Variants in EPHA7 observed in about 807,000 individuals in gnomAD.
The protein encoded by EPHA7 is EPH receptor A7.
In EPHA7, 25 loss-of-function variants were observed where a neutral mutation model predicts 112.6. The ratio of observed to expected loss-of-function variants is 0.22; its 90% confidence interval spans 0.16 to 0.31. EPHA7 has a LOEUF of 0.31. Ranked by LOEUF, EPHA7 falls within the 10% of genes least tolerant of loss-of-function variation. The pLI is 1.00. For missense variants in EPHA7, 962 were observed against 1,212.6 expected (o/e 0.79, Z 3.07); for synonymous variants, 437 against 406.5 (o/e 1.07, Z -0.90).
rs1773096631 is a variant in EPHA7, at chr6:93,303,465, T to A, written c.1325-31043A>T. On this transcript the variant is annotated intron_variant, in intron 5 of 16. Coordinates refer to ENST00000369303, the MANE Select transcript of EPHA7 (RefSeq NM_004440.4). Reference sequence around the variant, plus strand: ...AATAAAATATATGCTCTGTTAATAGTAAGAAGTGCTAAAGAGAAAAAAAAT... The same window carrying A: ...AATAAAATATATGCTCTGTTAATAGAAAGAAGTGCTAAAGAGAAAAAAAAT... Among the ~76,000 whole-genome samples the A allele has an allele frequency of 2.0e-5, 3 of 152,102 alleles. No homozygotes were observed. The South Asian group carries it at 6.2e-4, about 32-fold the overall frequency.
chr6:93,322,799 C>T (rs148067108), intron 5 of EPHA7, among the ~76,000 whole-genome samples: 1 of 151,616 alleles, frequency 6.6e-6, no homozygotes, highest in African/African-American at 2.4e-5. Context: ...CAAAAGTCAC[C>T]TACAGATACT....
intron 3 of EPHA7, among the ~76,000 whole-genome samples, chr6:93,377,390 T>G (rs1777112956): frequency 6.6e-6 from 1 of 150,974 alleles, no homozygotes. Flanking sequence ...TTATTGCTAG[T>G]TTTTTTTTCA....
At position 93,241,632 on chromosome 6, in the gene EPHA7, A is replaced by T. The variant is rs1769692341; in HGVS notation, c.*1794T>A. The T allele has an allele frequency of 4.5e-6, 1 of 222,740 alleles. No individual in the cohort carries two copies. The highest frequency in any genetic ancestry group is 2.2e-5 in the African/African-American group (1 of 44,682). 13.8% of individuals were successfully genotyped at this position (222,740 alleles called of 1,614,324 possible). A position where few individuals can be genotyped will look rare whatever the true frequency, so the allele number is the denominator to read the frequency against. On this transcript the variant is annotated 3_prime_UTR_variant, in exon 17 of 17. Coordinates refer to ENST00000369303, the MANE Select transcript of EPHA7 (RefSeq NM_004440.4). ...TGTACAGTGATTTAAAACCAAAAAAAAAGGGTGGGGAGGGGTTTGGGAAGC... is the reference window on the plus strand; with the variant it reads ...TGTACAGTGATTTAAAACCAAAAAATAAGGGTGGGGAGGGGTTTGGGAAGC...
intron 3 of EPHA7, among the ~76,000 whole-genome samples, chr6:93,393,545 T>G (rs1778011833): frequency 6.6e-6 from 1 of 151,856 alleles, no homozygotes; most frequent in African/African-American, 2.4e-5. Context: ...GAAGACTTTA[T>G]GATTCCAAAT....
At chr6:93,262,972 C>T (rs1040143856) in intron 9 of EPHA7, among the ~76,000 whole-genome samples, 5 of 151,256 alleles carry the variant, frequency 3.3e-5, no homozygotes, top group African/African-American at 1.2e-4. Context: ...AATAACACAA[C>T]AAAAGATACA....
At chr6:93,397,669 A>G (rs990843886) in intron 3 of EPHA7, among the ~76,000 whole-genome samples, 1 of 151,950 alleles carries the variant, frequency 6.6e-6, no homozygotes, top group Non-Finnish European at 1.5e-5. Flanking sequence ...CTGACTGGCA[A>G]GCGATACTCA....
At chr6:93,354,649 A>C (rs1582580840) in intron 5 of EPHA7, among the ~76,000 whole-genome samples, 1 of 149,676 alleles carries the variant, frequency 6.7e-6, no homozygotes, top group South Asian at 2.1e-4. Flanking sequence ...AAAAAAAAAA[A>C]CCCTCCAGCC....
Position 93,410,296 on chromosome 6 carries a change from T to C in EPHA7, c.832+205A>G, listed in dbSNP as rs1562166568. 1.8e-6 allele frequency: 1 copy of C among 555,852 alleles called. No individual in the cohort carries two copies. The highest frequency in any genetic ancestry group is 3.2e-5 in the Admixed American group (1 of 31,732). The allele number at this position is 555,852 out of a possible 1,614,324, so 34.4% of individuals were successfully genotyped here. A position where few individuals can be genotyped will look rare whatever the true frequency, so the allele number is the denominator to read the frequency against. ...ATTAAATTTTAGTAACAAATTTCATTATCACCTATATTGATTACATACACT... is the reference window on the plus strand; with the variant it reads ...ATTAAATTTTAGTAACAAATTTCATCATCACCTATATTGATTACATACACT... On this transcript the variant is annotated intron_variant, in intron 3 of 16. Coordinates refer to ENST00000369303, the MANE Select transcript of EPHA7 (RefSeq NM_004440.4). The surrounding 1 kb of genome is among the most constrained non-coding windows in gnomAD (Gnocchi z 4.0).
chr6:93,297,572 G>A (rs1772736923), intron 5 of EPHA7, among the ~76,000 whole-genome samples: 1 of 152,062 alleles, frequency 6.6e-6, no homozygotes, highest in African/African-American at 2.4e-5. Context: ...TCCCTGAGGT[G>A]CCTGCAATTC....
chr6:93,412,029 A>G (rs1350911893), intron 2 of EPHA7, among the ~76,000 whole-genome samples: 6 of 152,098 alleles, frequency 3.9e-5, no homozygotes, highest in Admixed American at 3.3e-4. Flanking sequence ...AATTTGCAAC[A>G]ATTTCAAACT....
At chr6:93,335,032 G>T (rs1336823410) in intron 5 of EPHA7, among the ~76,000 whole-genome samples, 1 of 152,038 alleles carries the variant, frequency 6.6e-6, no homozygotes, top group East Asian at 1.9e-4. Flanking sequence ...AACCTCAGGT[G>T]TTGTCTCACC....
intron 3 of EPHA7, among the ~76,000 whole-genome samples, chr6:93,401,533 A>C (rs2127989245): frequency 6.6e-6 from 1 of 152,108 alleles, no homozygotes. Flanking sequence ...AGAAAACAAA[A>C]AAAATAACAT....
intron 3 of EPHA7, among the ~76,000 whole-genome samples, chr6:93,371,248 T>C (rs1680339122): frequency 1.6e-5 from 2 of 128,570 alleles, no homozygotes; most frequent in Non-Finnish European, 3.5e-5. Context: ...CCATGGATAA[T>C]AAATATTTGG....
intron 5 of EPHA7, among the ~76,000 whole-genome samples, chr6:93,304,865 G>A (rs1022443699): frequency 6.6e-6 from 1 of 151,984 alleles, no homozygotes; most frequent in African/African-American, 2.4e-5. Flanking sequence ...CTGTTTGGAA[G>A]ATTCTTTCCT....
At chr6:93,338,594 G>T (rs1774989357) in intron 5 of EPHA7, among the ~76,000 whole-genome samples, 1 of 151,750 alleles carries the variant, frequency 6.6e-6, no homozygotes, top group Non-Finnish European at 1.5e-5. Context: ...TTTCCTCAAA[G>T]TTCTCAATTA....
rs756870175 is a variant in EPHA7 at position 93,359,880 on chromosome 6, GAT to G, written c.833-1471_833-1470del. On this transcript the variant is annotated intron_variant, in intron 3 of 16. Coordinates refer to ENST00000369303, the MANE Select transcript of EPHA7 (RefSeq NM_004440.4). The stretch of plus-strand genomic sequence containing the variant: ...AGAGAGAGAGAGAGAGAGAGAGATA[GAT>G]AGATAGATAGATAGATAGATAGATA... 9.8e-3 allele frequency among the ~76,000 whole-genome samples: 1,415 copies of G among 144,762 alleles called. 21 individuals are homozygous for G. Among genetic ancestry groups the G allele is most frequent in the African/African-American group, 0.03 (1,194 of 39,388 alleles). The allele number at this position is 144,762 out of a possible 152,430, so 95.0% of individuals were successfully genotyped here. A position where few individuals can be genotyped will look rare whatever the true frequency, so the allele number is the denominator to read the frequency against.
At chr6:93,365,603 T>C (rs1271956990) in intron 3 of EPHA7, among the ~76,000 whole-genome samples, 1 of 152,118 alleles carries the variant, frequency 6.6e-6, no homozygotes, top group Non-Finnish European at 1.5e-5. Flanking sequence ...CTGCCTAAAA[T>C]ACAGACCTCC....
intron 5 of EPHA7, among the ~76,000 whole-genome samples, chr6:93,288,829 T>C (rs1028532252): frequency 1.2e-4 from 18 of 152,208 alleles, no homozygotes; most frequent in African/African-American, 4.3e-4. Context: ...TTATGTGTTC[T>C]AGTGGAATTA....
At chr6:93,314,572 A>C (rs1582504289) in intron 5 of EPHA7, among the ~76,000 whole-genome samples, 1 of 152,300 alleles carries the variant, frequency 6.6e-6, no homozygotes, top group African/African-American at 2.4e-5. Context: ...ACCACCTTAC[A>C]GACAGGACCT....
Sources: gnomAD v4.1 joint callset for allele counts (sites outside exome capture counted in the v4.1 genomes callset) on GRCh38, gnomAD v4.1.1 for gene constraint, Gnocchi (gnomAD v3.1) non-coding constraint, MANE v1.5 for transcripts, NCBI Gene and HGNC (gene_info 2026-07-23, HGNC 2026-07-21) for gene names.